RBFOX1: variants seen among roughly 807,000 people sequenced by gnomAD.
RBFOX1 encodes the protein RNA binding protein fox-1 homolog 1.
Under a neutral mutation model 57.7 loss-of-function variants are expected in RBFOX1, and 8 were observed. That is an observed-to-expected ratio of 0.14 (90% CI 0.08 to 0.25). The LOEUF is 0.25. RBFOX1 is among the 10% of genes least tolerant of loss of function. RBFOX1 has a pLI of 1.00. For missense variants in RBFOX1, 611 were observed against 548.5 expected (o/e 1.11, Z -1.14); for synonymous variants, 326 against 222.4 (o/e 1.47, Z -4.15).
intron 1 of RBFOX1, among the ~76,000 whole-genome samples, chr16:6,046,504 G>C (rs1430379708): frequency 6.6e-6 from 1 of 152,146 alleles, no homozygotes; most frequent in Admixed American, 6.5e-5. Context: ...GCTTAGGGAA[G>C]AATTCAGGTC....
In RBFOX1 at chr16:5,741,266, G is replaced by A. The variant is rs190122601; in HGVS notation, c.319-126037G>A. Among the ~76,000 whole-genome samples the A allele has an allele frequency of 3.3e-5, 5 of 152,306 alleles. No individual in the cohort carries two copies. In the East Asian group the frequency reaches 9.7e-4, roughly 29 times the overall value. On this transcript the variant is annotated intron_variant, in intron 3 of 19. Transcript: ENST00000641259. ...GAGCAATCAGTGGGGTCGCCCTGAA[G>A]ACTGCAGGAGTCATAAGGCCGCAAG...
At chr16:7,266,393 C>G (rs981368026) in intron 4 of RBFOX1, among the ~76,000 whole-genome samples, 2 of 152,188 alleles carry the variant, frequency 1.3e-5, no homozygotes, top group African/African-American at 4.8e-5. Flanking sequence ...TGACGAAAGT[C>G]CCCTGAGGCT....
intron 3 of RBFOX1, among the ~76,000 whole-genome samples, chr16:6,710,417 G>T (rs992735941): frequency 3.9e-5 from 6 of 152,062 alleles, no homozygotes; most frequent in Non-Finnish European, 7.4e-5. Context: ...CAATATAAAA[G>T]ATATTTTACA....
Position 6,219,711 on chromosome 16 carries a change from C to A in RBFOX1, c.-126-97284C>A, listed in dbSNP as rs142912280. On this transcript the variant is annotated intron_variant, in intron 1 of 15. Transcript: ENST00000550418. ...CCAACATGGTGAAAACCTGTCTCTA[C>A]TAAAAATAGAAAAAATTAGCCAGCT... 7.2e-3 allele frequency among the ~76,000 whole-genome samples: 1,095 copies of A among 152,108 alleles called. 10 individuals are homozygous for A. The highest frequency in any genetic ancestry group is 0.025 in the African/African-American group (1,043 of 41,500).
At chr16:7,629,332 A>T (rs2060568517) in intron 10 of RBFOX1, among the ~76,000 whole-genome samples, 1 of 152,182 alleles carries the variant, frequency 6.6e-6, no homozygotes, top group South Asian at 2.1e-4. Flanking sequence ...TTTGTTGATC[A>T]TAGGGAAGAT....
At chr16:6,664,505 A>T (rs2098719939) in intron 3 of RBFOX1, among the ~76,000 whole-genome samples, 1 of 152,196 alleles carries the variant, frequency 6.6e-6, no homozygotes. Context: ...GGATCTTGGT[A>T]GGATGTGATA....
At chr16:6,236,387 T>C (rs1267528172) in intron 1 of RBFOX1, among the ~76,000 whole-genome samples, 1 of 152,000 alleles carries the variant, frequency 6.6e-6, no homozygotes, top group Non-Finnish European at 1.5e-5. Flanking sequence ...CTTAGCAGAG[T>C]ACCTGAAATA....
At chr16:6,731,786 C>G (rs928825342) in intron 3 of RBFOX1, among the ~76,000 whole-genome samples, 7 of 152,102 alleles carry the variant, frequency 4.6e-5, no homozygotes, top group Admixed American at 1.3e-4. Context: ...TTCTCCATTT[C>G]TCCCTTCCCC....
chr16:6,670,555 T>A (rs972693046), intron 3 of RBFOX1, among the ~76,000 whole-genome samples: 1 of 152,140 alleles, frequency 6.6e-6, no homozygotes, highest in Non-Finnish European at 1.5e-5. Flanking sequence ...TAAGTAGACT[T>A]AAACACCCGG....
chr16:6,602,124 A>G (rs561054540), intron 2 of RBFOX1, among the ~76,000 whole-genome samples: 52 of 152,024 alleles, frequency 3.4e-4, no homozygotes, highest in African/African-American at 7.0e-4. Context: ...TCTTCTTTGG[A>G]GAAATGTTTG....
intron 3 of RBFOX1, among the ~76,000 whole-genome samples, chr16:5,788,215 C>T (rs2054574192): frequency 6.6e-6 from 1 of 152,176 alleles, no homozygotes; most frequent in South Asian, 2.1e-4. Flanking sequence ...AGTTTATTTA[C>T]CCTGGATGGA....
intron 4 of RBFOX1, among the ~76,000 whole-genome samples, chr16:7,365,216 T>G (rs1436092282): frequency 1.3e-5 from 2 of 152,200 alleles, no homozygotes; most frequent in African/African-American, 2.4e-5. Context: ...TTGTGAGATA[T>G]AAATGTCATT....
At chr16:7,688,970 G>C (rs1020768069) in intron 14 of RBFOX1, among the ~76,000 whole-genome samples, 2 of 151,992 alleles carry the variant, frequency 1.3e-5, no homozygotes, top group South Asian at 4.2e-4. Flanking sequence ...ACCTTAGATA[G>C]TAAAAGCTTG....
intron 2 of RBFOX1, among the ~76,000 whole-genome samples, chr16:6,609,719 C>A (rs2098011869): frequency 6.6e-6 from 1 of 152,124 alleles, no homozygotes; most frequent in Non-Finnish European, 1.5e-5. Flanking sequence ...TTTAAAAACA[C>A]TAGCAATGGG....
At chr16:5,641,917 T>C (rs2048887702) in intron 3 of RBFOX1, among the ~76,000 whole-genome samples, 1 of 152,174 alleles carries the variant, frequency 6.6e-6, no homozygotes. Flanking sequence ...ATGATGCATA[T>C]GTCACTTGGG....
rs940623449 is a variant in RBFOX1, at chr16:6,898,624, A to T, written c.-15-153433A>T. On this transcript the variant is annotated intron_variant, in intron 3 of 15. Coordinates refer to ENST00000550418, the MANE Select transcript of RBFOX1 (RefSeq NM_018723.4). Reference sequence around the variant, plus strand: ...CATAAAAGGAAGTAGGTTATTTTTAAAATACTGGAGTGTTTCTGAAAGAGA... The same window carrying T: ...CATAAAAGGAAGTAGGTTATTTTTATAATACTGGAGTGTTTCTGAAAGAGA... Among the ~76,000 whole-genome samples, 3 of 152,142 alleles carry T rather than the reference A, an allele frequency of 2.0e-5. No homozygotes were observed. The East Asian group carries it at 5.8e-4, about 29-fold the overall frequency.
chr16:6,151,422 A>G (rs112644200), intron 1 of RBFOX1, among the ~76,000 whole-genome samples: 61,354 of 151,942 alleles, frequency 0.4, 12,931 homozygotes, highest in Non-Finnish European at 0.47. Flanking sequence ...AGTAGCTGGG[A>G]TTACAGGCGC....
In RBFOX1 at chr16:6,981,042, C is replaced by CAAAAAAAAAAAAAAAAAAAA. The variant is rs36117809; in HGVS notation, c.-15-70998_-15-70997insAAAAAAAAAAAAAAAAAAAA. ...TGGGTGGCAGAGCAAGTCTCAGTCT[C>CAAAAAAAAAAAAAAAAAAAA]AAAAAAAAAAAAAAAAACACTAAAA... On this transcript the variant is annotated intron_variant, in intron 3 of 15. Transcript: ENST00000550418. Among the ~76,000 whole-genome samples the CAAAAAAAAAAAAAAAAAAAA allele has an allele frequency of 1.2e-3, 90 of 77,426 alleles. 16 individuals are homozygous for CAAAAAAAAAAAAAAAAAAAA. Among genetic ancestry groups the CAAAAAAAAAAAAAAAAAAAA allele is most frequent in the African/African-American group, 6.9e-3 (87 of 12,674 alleles). 50.8% of individuals were successfully genotyped at this position (77,426 alleles called of 152,430 possible).
chr16:5,350,497 G>T (rs557864076), intron 1 of RBFOX1, among the ~76,000 whole-genome samples: 2 of 152,140 alleles, frequency 1.3e-5, no homozygotes, highest in Non-Finnish European at 2.9e-5. Context: ...TCCCGTGTCA[G>T]CCTTTGCTCT....
Sources: gnomAD v4.1 joint callset for allele counts (sites outside exome capture counted in the v4.1 genomes callset) on GRCh38, gnomAD v4.1.1 for gene constraint, MANE v1.5 for transcripts, NCBI Gene and HGNC (gene_info 2026-07-23, HGNC 2026-07-21) for gene names.